LRRK1: variants seen among roughly 807,000 people sequenced by gnomAD.
The protein encoded by LRRK1 is leucine rich repeat kinase 1.
Under a neutral mutation model 209.1 loss-of-function variants are expected in LRRK1, and 113 were observed. The observed-to-expected ratio is 0.54, with a 90% confidence interval of 0.46 to 0.63. The LOEUF is 0.63. Among genes scored for constraint, LRRK1 ranks in the 30% least tolerant of loss-of-function variants. The probability of loss-of-function intolerance (pLI) is 0.00; values close to 1 mark genes in which losing one functional copy is unlikely to be tolerated. For synonymous variants in LRRK1, 1,144 were observed against 1,099.7 expected, an observed-to-expected ratio of 1.04 and a Z score of -0.80; for missense variants, 2,284 against 2,632.2, an observed-to-expected ratio of 0.87 and a Z score of 2.89.
rs2033827676 is a variant in LRRK1 at position 101,022,222 on chromosome 15, G to C, written c.1853-161G>C. The C allele has an allele frequency of 1.4e-6, 1 of 723,994 alleles. No homozygotes were observed. Among genetic ancestry groups the C allele is most frequent in the Non-Finnish European group, 2.3e-6 (1 of 437,418 alleles). 44.8% of individuals were successfully genotyped at this position (723,994 alleles called of 1,614,324 possible). On this transcript the variant is annotated intron_variant, in intron 14 of 33. Transcript: ENST00000388948. This position sits in a 1 kb window ranked among gnomAD's most constrained non-coding sequence, Gnocchi z 4.0. ...CTTGCCTCTTAGAGTTCGCTTTTAG[G>C]GTGGTTAGTGTCATGCCTTCCCTCC...
chr15:101,052,948 A>G lies in LRRK1; in HGVS notation c.3716A>G (p.Glu1239Gly). Residue 1239 changes from glutamate (E) to glycine (G), a missense_variant, in exon 25 of 34, where the codon GAG becomes GGG. Transcript: ENST00000388948. ...CTCTTCCTGGAGAACAGCAAGCTGG[A>G]GCACAGCGAGGACGAGGGCAGCGTC... ...ARLFLENSKL[E>G]HSEDEGSVLG... The G allele has an allele frequency of 6.2e-7, 1 of 1,609,926 alleles. No individual in the cohort carries two copies. The highest frequency in any genetic ancestry group is 8.5e-7 in the Non-Finnish European group (1 of 1,177,042).
intron 6 of LRRK1, among the ~76,000 whole-genome samples, chr15:100,999,157 T>C (rs76991800): frequency 0.076 from 11,588 of 152,198 alleles, 741 homozygotes; most frequent in African/African-American, 0.18. Flanking sequence ...TTTTCCCTCT[T>C]TCAAATAGCT....
intron 20 of LRRK1, among the ~76,000 whole-genome samples, chr15:101,033,470 C>T (rs997992954): frequency 2.0e-5 from 3 of 152,174 alleles, no homozygotes; most frequent in African/African-American, 7.2e-5. Context: ...TATTTTCTAT[C>T]TTCATAAGAT....
intron 1 of LRRK1, among the ~76,000 whole-genome samples, chr15:100,923,685 C>G (rs902055023): frequency 6.6e-6 from 1 of 152,218 alleles, no homozygotes; most frequent in Non-Finnish European, 1.5e-5. Context: ...AGCACTTGGT[C>G]TCAGTTTATC....
In LRRK1 at chr15:100,966,361, TC is replaced by T. The variant is rs1244114944; in HGVS notation, c.98-7442del. Among the ~76,000 whole-genome samples, 5 of 152,152 alleles carry T rather than the reference TC, an allele frequency of 3.3e-5. 1 individual carries two copies. The highest frequency in any genetic ancestry group is 5.9e-5 in the Non-Finnish European group (4 of 68,028). On this transcript the variant is annotated intron_variant, in intron 2 of 33. Coordinates refer to ENST00000388948, the MANE Select transcript of LRRK1 (RefSeq NM_024652.6). The stretch of plus-strand genomic sequence containing the variant: ...TATTTCTGAACTATTTAATTTTTTT[TC>T]AGTGAGAATGTGTTCTTTCATTACT...
At position 100,951,392 on chromosome 15, in the gene LRRK1, A is replaced by G. The variant is rs140879702; in HGVS notation, c.98-22412A>G. On this transcript the variant is annotated intron_variant, in intron 2 of 33. Coordinates refer to ENST00000388948, the MANE Select transcript of LRRK1 (RefSeq NM_024652.6). ...TGGAAAATGGTTTGGCAGTTTCTCA[A>G]CATTTTGAACATGCAATTACCATAT... Among the ~76,000 whole-genome samples the G allele has an allele frequency of 3.3e-3, 506 of 152,292 alleles. 4 individuals are homozygous for G. Among genetic ancestry groups the G allele is most frequent in the African/African-American group, 0.012 (493 of 41,546 alleles).
chr15:101,019,035 A>G (rs979008974), intron 12 of LRRK1, among the ~76,000 whole-genome samples: 1 of 152,238 alleles, frequency 6.6e-6, no homozygotes, highest in African/African-American at 2.4e-5. Context: ...TACGGTAAAA[A>G]TCAGACCAGC....
Position 101,009,007 on chromosome 15 carries a change from C to T in LRRK1, c.933C>T (p.Asp311=). 6.2e-7 allele frequency: 1 copy of T among 1,614,248 alleles called. No homozygotes were observed. Among genetic ancestry groups the T allele is most frequent in the South Asian group, 1.1e-5 (1 of 91,086 alleles). ...ATCTCCGGAAGCTGAACCTCTCCGA[C>T]AACCACCTGGGGGAGCTGCCTGGCG... ...LINLRKLNLS[D]NHLGELPGVQ... The change falls in exon 7 of 34, where the codon GAC becomes GAT. Residue 311 remains aspartate (D), a synonymous_variant. Coordinates refer to ENST00000388948, the MANE Select transcript of LRRK1 (RefSeq NM_024652.6).
intron 20 of LRRK1, among the ~76,000 whole-genome samples, chr15:101,038,265 T>G (rs2034579501): frequency 6.6e-6 from 1 of 152,206 alleles, no homozygotes; most frequent in African/African-American, 2.4e-5. Context: ...CATCAGGTAC[T>G]GTGTACACTG....
Position 101,065,925 on chromosome 15 carries a change from ATCCACCAGG to A in LRRK1, c.5489_5497del (p.Ile1830_Glu1833delinsLys). 1 of 1,614,096 alleles carries A rather than the reference ATCCACCAGG, an allele frequency of 6.2e-7. No homozygotes were observed. Among genetic ancestry groups the A allele is most frequent in the Non-Finnish European group, 8.5e-7 (1 of 1,180,014 alleles). On this transcript the variant is annotated inframe_deletion, in exon 32 of 34. Coordinates refer to ENST00000388948, the MANE Select transcript of LRRK1 (RefSeq NM_024652.6). ...TGAGGAGCTGGGCACGCAGATCCTG[ATCCACCAGG>A]AATCACTCACTGACTACTGCTCCAT...
chr15:100,968,678 C>G (rs145200023), intron 2 of LRRK1, among the ~76,000 whole-genome samples: 8 of 78,948 alleles, frequency 1.0e-4, no homozygotes, highest in Non-Finnish European at 1.4e-4. Context: ...CTTTTTCTTT[C>G]TTTCTTTCTT....
rs1468633997 is a variant in LRRK1 at position 101,053,216 on chromosome 15, C to G, written c.3857-7C>G. On this transcript the variant is annotated splice_polypyrimidine_tract_variant and splice_region_variant and intron_variant, in intron 25 of 33. Transcript: ENST00000388948. ...CCTACTGGCTGACACTGCGCTGTCC[C>G]TGGCAGACACCATGCTGAGGCACCT... The G allele has an allele frequency of 1.9e-6, 3 of 1,604,634 alleles. No individual in the cohort carries two copies. Among genetic ancestry groups the G allele is most frequent in the Non-Finnish European group, 1.7e-6 (2 of 1,179,764 alleles).
At chr15:100,932,915 T>C (rs1000845469) in intron 2 of LRRK1, among the ~76,000 whole-genome samples, 3 of 152,206 alleles carry the variant, frequency 2.0e-5, no homozygotes, top group Non-Finnish European at 4.4e-5. Flanking sequence ...TTAAATGACA[T>C]GTTCCCTTCG....
rs1419920410 is a variant in LRRK1, at chr15:101,074,282, T to G, written c.*5434T>G. On this transcript the variant is annotated 3_prime_UTR_variant, in exon 34 of 34. Coordinates refer to ENST00000388948, the MANE Select transcript of LRRK1 (RefSeq NM_024652.6). The stretch of plus-strand genomic sequence containing the variant: ...CCTCCGCTCCTCCACCATATAATCT[T>G]TTTATCACCTCCCCTCCTCACACCC... 6.6e-6 allele frequency: 1 copy of G among 152,130 alleles called. No homozygotes were observed. The highest frequency in any genetic ancestry group is 1.5e-5 in the Non-Finnish European group (1 of 68,034). 9.4% of individuals were successfully genotyped at this position (152,130 alleles called of 1,614,324 possible). A position where few individuals can be genotyped will look rare whatever the true frequency, so the allele number is the denominator to read the frequency against.
In LRRK1 at chr15:101,061,695, G is replaced by A. The variant is rs945757301; in HGVS notation, c.4797+407G>A. On this transcript the variant is annotated intron_variant, in intron 30 of 33. Coordinates refer to ENST00000388948, the MANE Select transcript of LRRK1 (RefSeq NM_024652.6). Reference sequence around the variant, plus strand: ...AAGGAGGGGTCTTCTGAGAAGTCCCGAGACAACTGGCCAAACACAAATGTT... The same window carrying A: ...AAGGAGGGGTCTTCTGAGAAGTCCCAAGACAACTGGCCAAACACAAATGTT... Among the ~76,000 whole-genome samples the A allele has an allele frequency of 5.3e-5, 8 of 152,318 alleles. No homozygotes were observed. In the South Asian group the frequency reaches 8.3e-4, roughly 16 times the overall value.
rs2036869374 is a variant in LRRK1, at chr15:101,073,252, A to T, written c.*4404A>T. The T allele has an allele frequency of 6.6e-6, 1 of 152,104 alleles. No individual in the cohort carries two copies. Among genetic ancestry groups the T allele is most frequent in the Non-Finnish European group, 1.5e-5 (1 of 68,056 alleles). The allele number at this position is 152,104 out of a possible 1,614,324, so 9.4% of individuals were successfully genotyped here. A position where few individuals can be genotyped will look rare whatever the true frequency, so the allele number is the denominator to read the frequency against. ...GACACGTTTTATCCGTGGACCCAAA[A>T]CTCCAGCGCCGGTCACGGACTGGGA... On this transcript the variant is annotated 3_prime_UTR_variant, in exon 34 of 34. Transcript: ENST00000388948.
chr15:101,001,150 G>A (rs538706075), intron 6 of LRRK1, among the ~76,000 whole-genome samples: 1 of 152,282 alleles, frequency 6.6e-6, no homozygotes, highest in African/African-American at 2.4e-5. Flanking sequence ...ACATGCACAA[G>A]GATGCTGGGA....
chr15:101,026,144 G>A lies in LRRK1; in HGVS notation c.2405+7G>A. 1 of 1,613,886 alleles carries A rather than the reference G, an allele frequency of 6.2e-7. No individual in the cohort carries two copies. Among genetic ancestry groups the A allele is most frequent in the Non-Finnish European group, 8.5e-7 (1 of 1,179,776 alleles). ...TCACCTTCAAACACTTACAGTGAGT[G>A]CCCAGCCTCGGGCAGCTCCTGCCTT... On this transcript the variant is annotated splice_region_variant and intron_variant, in intron 17 of 33. Transcript: ENST00000388948.
At position 101,076,469 on chromosome 15, in the gene LRRK1, C is replaced by G. The variant is rs1483089362; in HGVS notation, c.*7621C>G. The stretch of plus-strand genomic sequence containing the variant: ...CTCTCTGATCCACCTGACGTTCACC[C>G]CATTTCCCCACATTTCCTTCTTCCC... On this transcript the variant is annotated 3_prime_UTR_variant, in exon 34 of 34. Transcript: ENST00000388948. The G allele has an allele frequency of 6.6e-6, 1 of 152,002 alleles. No individual in the cohort carries two copies. Among genetic ancestry groups the G allele is most frequent in the East Asian group, 1.9e-4 (1 of 5,188 alleles). The allele number at this position is 152,002 out of a possible 1,614,324, so 9.4% of individuals were successfully genotyped here.
Sources: gnomAD v4.1 joint callset for allele counts (sites outside exome capture counted in the v4.1 genomes callset) on GRCh38, gnomAD v4.1.1 for gene constraint, Gnocchi (gnomAD v3.1) non-coding constraint, MANE v1.5 for transcripts, NCBI Gene and HGNC (gene_info 2026-07-23, HGNC 2026-07-21) for gene names.